The following DCLK2 variants were observed in gnomAD, a reference collection of about 807,000 sequenced individuals.
The protein encoded by DCLK2 is serine/threonine-protein kinase DCLK2.
DCLK2 carries 31 observed loss-of-function variants against 78.4 expected under a neutral mutation model. The ratio of observed to expected loss-of-function variants is 0.40; its 90% CI spans 0.30 to 0.53. The LOEUF (loss-of-function observed/expected upper bound fraction) is 0.53, where lower values mean the gene tolerates loss of function less well. DCLK2 is among the 20% of genes least tolerant of loss of function. The pLI is 0.61. For missense variants in DCLK2, 872 were observed against 973.7 expected, an observed-to-expected ratio of 0.90 and a Z score of 1.39; for synonymous variants, 407 against 374.9, an observed-to-expected ratio of 1.09 and a Z score of -0.99.
chr4:150,199,225 C>T (rs1739288939), intron 4 of DCLK2: 2 of 720,348 alleles, frequency 2.8e-6, no homozygotes, highest in Non-Finnish European at 4.7e-6. Context: ...CTTTGCATTG[C>T]ACAAGACACT....
At chr4:150,168,060 C>T (rs1307288963) in intron 2 of DCLK2, among the ~76,000 whole-genome samples, 1 of 152,152 alleles carries the variant, frequency 6.6e-6, no homozygotes, top group Non-Finnish European at 1.5e-5. Context: ...AACCCCAAGT[C>T]AGGCCAGGTG....
chr4:150,192,384 A>C (rs1047863924), intron 2 of DCLK2, among the ~76,000 whole-genome samples: 11 of 149,746 alleles, frequency 7.3e-5, no homozygotes, highest in Non-Finnish European at 1.6e-4. Flanking sequence ...GGAGGCTGAG[A>C]CAGGAGAATC....
At chr4:150,253,120 C>A in intron 15 of DCLK2, 1 of 454,102 alleles carries the variant, frequency 2.2e-6, no homozygotes. Flanking sequence ...TCCTCATCCT[C>A]CTCATCCTCC....
At chr4:150,082,825 TG>T (rs1329112669) in intron 1 of DCLK2, among the ~76,000 whole-genome samples, 3 of 152,210 alleles carry the variant, frequency 2.0e-5, no homozygotes, top group African/African-American at 4.8e-5. Context: ...TTCTGTTCCG[TG>T]TGTCTTCTCT....
chr4:150,242,007 G>T (rs1038414825), intron 12 of DCLK2, among the ~76,000 whole-genome samples: 5 of 152,166 alleles, frequency 3.3e-5, no homozygotes, highest in African/African-American at 1.2e-4. Flanking sequence ...GTCACTATGT[G>T]AAAAATGGTT....
intron 1 of DCLK2, among the ~76,000 whole-genome samples, chr4:150,087,546 C>T (rs1378709624): frequency 4.6e-5 from 7 of 152,230 alleles, no homozygotes; most frequent in Middle Eastern, 6.8e-3. Flanking sequence ...AGGAGCCATC[C>T]GAATTAAGAC....
intron 2 of DCLK2, among the ~76,000 whole-genome samples, chr4:150,129,334 G>A (rs1733132059): frequency 6.6e-6 from 1 of 152,066 alleles, no homozygotes; most frequent in South Asian, 2.1e-4. Context: ...CATGTCATAA[G>A]TGACATACAG....
At chr4:150,254,216 G>A (rs1744402143) in intron 15 of DCLK2, among the ~76,000 whole-genome samples, 1 of 152,222 alleles carries the variant, frequency 6.6e-6, no homozygotes, top group Non-Finnish European at 1.5e-5. Flanking sequence ...CTTGAGAAGG[G>A]ACGGATTCAA....
At chr4:150,217,491 G>C (rs909531728) in intron 5 of DCLK2, among the ~76,000 whole-genome samples, 1 of 152,124 alleles carries the variant, frequency 6.6e-6, no homozygotes, top group Non-Finnish European at 1.5e-5. Flanking sequence ...TCCCTCTCAC[G>C]GCTCTTCAGA....
chr4:150,199,027 G>A, intron 4 of DCLK2: 1 of 1,591,938 alleles, frequency 6.3e-7, no homozygotes, highest in South Asian at 1.1e-5. Context: ...CATGTGTACA[G>A]TAAAGCGGGG....
rs989695782 is a variant in DCLK2, at chr4:150,099,153, G to C, written c.422-3325G>C. Among the ~76,000 whole-genome samples the C allele has an allele frequency of 2.0e-5, 3 of 152,226 alleles. No homozygotes were observed. In the South Asian group the frequency reaches 6.2e-4, roughly 32 times the overall value. On this transcript the variant is annotated intron_variant, in intron 1 of 15. Transcript: ENST00000296550. ...TAAACAAGAATCCCTACAGTACCAAGAATCTGTGTAGGGGGAGGCTAATCG... is the reference window on the plus strand; with the variant it reads ...TAAACAAGAATCCCTACAGTACCAACAATCTGTGTAGGGGGAGGCTAATCG...
chr4:150,182,585 G>C (rs1191652558), intron 2 of DCLK2, among the ~76,000 whole-genome samples: 1 of 152,036 alleles, frequency 6.6e-6, no homozygotes, highest in Non-Finnish European at 1.5e-5. Flanking sequence ...TTAACGTTGT[G>C]GTATGTTCTT....
At chr4:150,210,136 C>A (rs915353594) in intron 5 of DCLK2, among the ~76,000 whole-genome samples, 9 of 152,086 alleles carry the variant, frequency 5.9e-5, no homozygotes, top group African/African-American at 1.9e-4. Flanking sequence ...CTTGGCATGG[C>A]CACTCTTAAG....
chr4:150,147,155 C>T (rs28723057), intron 2 of DCLK2, among the ~76,000 whole-genome samples: 3,238 of 151,876 alleles, frequency 0.021, 97 homozygotes, highest in African/African-American at 0.075. Flanking sequence ...GATAAGTTAG[C>T]GAAGCATGGT....
At chr4:150,101,041 A>G (rs1730856110) in intron 1 of DCLK2, among the ~76,000 whole-genome samples, 2 of 152,084 alleles carry the variant, frequency 1.3e-5, no homozygotes, top group Non-Finnish European at 2.9e-5. Flanking sequence ...TCGCTTGAAC[A>G]CAGGAGTTCA....
At chr4:150,112,270 A>G (rs1215079316) in intron 2 of DCLK2, among the ~76,000 whole-genome samples, 4 of 152,132 alleles carry the variant, frequency 2.6e-5, no homozygotes, top group Non-Finnish European at 5.9e-5. Flanking sequence ...CAGCTTGGTC[A>G]TTGTTGATGT....
At chr4:150,114,948 G>A (rs541286524) in intron 2 of DCLK2, among the ~76,000 whole-genome samples, 7 of 152,238 alleles carry the variant, frequency 4.6e-5, no homozygotes, top group African/African-American at 1.7e-4. Context: ...GCAAGGCCAG[G>A]GAAGTTTTCC....
intron 5 of DCLK2, among the ~76,000 whole-genome samples, chr4:150,210,496 T>TA (rs1327844548): frequency 4.6e-5 from 7 of 152,076 alleles, no homozygotes. Flanking sequence ...ATCAATAATC[T>TA]ATAAATGACT....
In DCLK2 at chr4:150,079,267, G is replaced by A. The variant is rs56382032; in HGVS notation, c.240G>A (p.Gly80=). 0.021 allele frequency: 34,442 copies of A among 1,604,156 alleles called. 1,039 individuals are homozygous for A. Among genetic ancestry groups the A allele is most frequent in the Admixed American group, 0.11 (6,190 of 58,568 alleles). Residue 80 remains glycine (G), a synonymous_variant, in exon 1 of 16, where the codon GGG becomes GGA. Transcript: ENST00000296550. ...AGAAGGCGCGCTTCTACCGGAACGG[G>A]GACCGCTACTTCAAGGGCCTGGTGT... The part of the protein sequence containing the change: ...KAKKARFYRN[G]DRYFKGLVFA...
Sources: gnomAD v4.1 joint callset for allele counts (sites outside exome capture counted in the v4.1 genomes callset) on GRCh38, gnomAD v4.1.1 for gene constraint, MANE v1.5 for transcripts, NCBI Gene and HGNC (gene_info 2026-07-23, HGNC 2026-07-21) for gene names.